Variants in CCNH observed in about 807,000 individuals in gnomAD.
The protein encoded by CCNH is cyclin-H.
In CCNH, 31 loss-of-function variants were observed where a neutral mutation model predicts 41.9. The ratio of observed to expected loss-of-function variants is 0.74; its 90% CI spans 0.56 to 1.00. The LOEUF is 1.00. CCNH is among the 50% of genes least tolerant of loss of function. The pLI is 0.00. For missense variants in CCNH, 362 were observed against 388.4 expected (o/e 0.93, Z 0.57); for synonymous variants, 138 against 136.1 (o/e 1.01, Z -0.10).
At chr5:87,314,933 C>A (rs1046842653), downstream of CCNH, among the ~76,000 whole-genome samples, 1 of 152,022 alleles carries the variant, frequency 6.6e-6, no homozygotes, top group Non-Finnish European at 1.5e-5. Flanking sequence ...ATAAGTGACA[C>A]CCCCATCTTT....
intron 5 of CCNH, among the ~76,000 whole-genome samples, chr5:87,404,494 G>A (rs553824582): frequency 2.0e-5 from 3 of 152,206 alleles, no homozygotes; most frequent in South Asian, 2.1e-4. Context: ...TTTAACTTCC[G>A]CGTGTCATAC....
chr5:87,332,781 C>A, intron 9 of CCNH: 1 of 870,424 alleles, frequency 1.1e-6, no homozygotes, highest in Admixed American at 3.2e-5. Context: ...GTTATAATGT[C>A]AGAACAAAAT....
intron 9 of CCNH, among the ~76,000 whole-genome samples, chr5:87,364,746 A>T (rs1760378311): frequency 2.0e-5 from 3 of 152,132 alleles, no homozygotes; most frequent in Admixed American, 1.3e-4. Context: ...CAAGGTAGCA[A>T]ACAGCACCAG....
upstream of CCNH, chr5:87,379,656 T>G (rs1375355564): frequency 1.0e-5 from 16 of 1,554,922 alleles, no homozygotes; most frequent in Middle Eastern, 2.3e-4. Flanking sequence ...CCTCGAAAAC[T>G]ATAACTACTT....
chr5:87,343,982 A>G (rs576484645), intron 9 of CCNH, among the ~76,000 whole-genome samples: 3 of 152,280 alleles, frequency 2.0e-5, no homozygotes, highest in East Asian at 1.9e-4. Flanking sequence ...GACAAATACC[A>G]TGTGTTCTCA....
At chr5:87,315,672 T>C (rs984465468), downstream of CCNH, among the ~76,000 whole-genome samples, 1 of 152,216 alleles carries the variant, frequency 6.6e-6, no homozygotes, top group African/African-American at 2.4e-5. Context: ...ATGTTTAATA[T>C]GGGAGAGGGT....
At chr5:87,378,828 G>A (rs1039411526), upstream of CCNH, among the ~76,000 whole-genome samples, 10 of 152,160 alleles carry the variant, frequency 6.6e-5, no homozygotes, top group African/African-American at 1.9e-4. Context: ...TACAGAAAGC[G>A]TGCATAAGAT....
intron 9 of CCNH, among the ~76,000 whole-genome samples, chr5:87,325,226 A>G (rs1757144226): frequency 6.6e-6 from 1 of 152,190 alleles, no homozygotes; most frequent in South Asian, 2.1e-4. Flanking sequence ...CTATCACAAT[A>G]ACAGCAGCAT....
intron 9 of CCNH, chr5:87,369,889 G>A: frequency 6.2e-7 from 1 of 1,606,884 alleles, no homozygotes; most frequent in Non-Finnish European, 8.5e-7. Flanking sequence ...AGAAACTCCA[G>A]AACAAGCAGA....
chr5:87,330,420 A>G (rs1346326539), intron 9 of CCNH, among the ~76,000 whole-genome samples: 1 of 152,172 alleles, frequency 6.6e-6, no homozygotes, highest in Non-Finnish European at 1.5e-5. Context: ...TCAATGTAAT[A>G]TGAATGTTTA....
chr5:87,338,536 A>ATATATATATATATATATTTT lies in CCNH; in HGVS notation c.*91-19640_*91-19639insAAAATATATATATATATATA. Among the ~76,000 whole-genome samples, 22 of 85,214 alleles carry ATATATATATATATATATTTT rather than the reference A, an allele frequency of 2.6e-4. 1 individual carries two copies. Among genetic ancestry groups the ATATATATATATATATATTTT allele is most frequent in the East Asian group, 9.9e-4 (2 of 2,028 alleles). The allele number at this position is 85,214 out of a possible 152,430, so 55.9% of individuals were successfully genotyped here. A position where few individuals can be genotyped will look rare whatever the true frequency, so the allele number is the denominator to read the frequency against. On this transcript the variant is annotated intron_variant and NMD_transcript_variant, in intron 9 of 9. Coordinates refer to the CCNH transcript ENST00000645953. Reference sequence around the variant, plus strand: ...ATATATATATATATATATATATAAAATTTTTTTTTTTTTTAAGTAGAAATG... The same window carrying ATATATATATATATATATTTT: ...ATATATATATATATATATATATAAAATATATATATATATATATTTTTTTTTTTTTTTTTTAAGTAGAAATG...
intron 7 of CCNH, 130 bp downstream of exon 7, chr5:87,399,263 CA>C: frequency 1.4e-6 from 1 of 698,344 alleles, no homozygotes; most frequent in Non-Finnish European, 2.5e-6. Flanking sequence ...AATGTCCATT[CA>C]ATAAAGAAAA....
chr5:87,336,953 A>T (rs1180470807), intron 9 of CCNH, among the ~76,000 whole-genome samples: 2 of 152,214 alleles, frequency 1.3e-5, no homozygotes, highest in East Asian at 3.9e-4. Flanking sequence ...ATTGTCCAAG[A>T]TACAATGAAG....
chr5:87,330,887 G>A, intron 9 of CCNH: 1 of 1,154,928 alleles, frequency 8.7e-7, no homozygotes, highest in Non-Finnish European at 1.1e-6. Flanking sequence ...CTGTTTTCCT[G>A]TCGCAGGGCA....
chr5:87,377,324 C>T (rs537374462), upstream of CCNH: 13 of 438,840 alleles, frequency 3.0e-5, no homozygotes, highest in African/African-American at 8.0e-5. Context: ...GCATATTTAT[C>T]TGTATTCTCT....
At chr5:87,393,927 A>T (rs770315504), downstream of CCNH, 1 of 152,324 alleles carries the variant, frequency 6.6e-6, no homozygotes, top group East Asian at 1.9e-4. Flanking sequence ...CCATTTGGAA[A>T]TGTTTTCGGG....
chr5:87,323,415 G>A (rs1398133767), intron 9 of CCNH, among the ~76,000 whole-genome samples: 2 of 152,172 alleles, frequency 1.3e-5, no homozygotes, highest in Admixed American at 1.3e-4. Context: ...TTTTGAGGGA[G>A]AGAGTGGATA....
downstream of CCNH, among the ~76,000 whole-genome samples, chr5:87,314,278 C>A (rs563789718): frequency 6.6e-5 from 10 of 152,206 alleles, no homozygotes; most frequent in Non-Finnish European, 1.5e-4. Context: ...ATAAAGATTA[C>A]TGAATGCTGT....
At chr5:87,373,391 A>G (rs970377424), downstream of CCNH, among the ~76,000 whole-genome samples, 1 of 152,164 alleles carries the variant, frequency 6.6e-6, no homozygotes, top group Non-Finnish European at 1.5e-5. Context: ...GTCATTTTCT[A>G]TACGGGACTT....
Sources: allele counts gnomAD v4.1 joint callset (sites outside exome capture counted in the v4.1 genomes callset), GRCh38; gene constraint gnomAD v4.1.1; transcripts MANE v1.5; gene names NCBI Gene and HGNC (gene_info 2026-07-23, HGNC 2026-07-21).